COBL: variants seen among roughly 807,000 people sequenced by gnomAD.
COBL encodes the protein cordon-bleu WH2 repeat protein, also known as protein cordon-bleu.
A neutral mutation model predicts 98.8 loss-of-function variants in COBL; 51 were observed. The ratio of observed to expected loss-of-function variants is 0.52; its 90% CI spans 0.41 to 0.65. The LOEUF (loss-of-function observed/expected upper bound fraction) is 0.65. Ranked by LOEUF, COBL falls within the 30% of genes least tolerant of loss-of-function variation. The pLI, the probability that COBL is intolerant of heterozygous loss-of-function variation, is 0.00. For missense variants in COBL, 1,617 were observed against 1,617.5 expected (o/e 1.00, Z 0.01); for synonymous variants, 634 against 651.7 (o/e 0.97, Z 0.41).
At chr7:51,316,570 C>T (rs1584485001) in intron 1 of COBL, 23 bp downstream of exon 1, 2 of 1,208,566 alleles carry the variant, frequency 1.7e-6, no homozygotes, top group Admixed American at 4.4e-5. Context: ...CTCTCCACCC[C>T]GCCCGACCGC....
At chr7:51,032,052 C>T (rs976221030) in intron 8 of COBL, 2 of 152,274 alleles carry the variant, frequency 1.3e-5, no homozygotes, top group East Asian at 1.9e-4. Context: ...CACAGTTTTT[C>T]AGGCAGGTAG....
At chr7:51,281,768 C>G (rs1355643435) in intron 1 of COBL, among the ~76,000 whole-genome samples, 1 of 151,952 alleles carries the variant, frequency 6.6e-6, no homozygotes, top group Non-Finnish European at 1.5e-5. Flanking sequence ...CAGGCCTGTT[C>G]TAGAATAATT....
chr7:51,135,639 G>C (rs1405417244), intron 6 of COBL, among the ~76,000 whole-genome samples: 3 of 152,200 alleles, frequency 2.0e-5, no homozygotes, highest in Admixed American at 2.0e-4. Context: ...TGAGCAAAAA[G>C]GGGCTTTGAA....
intron 6 of COBL, among the ~76,000 whole-genome samples, chr7:51,088,105 G>A (rs1157175266): frequency 6.6e-6 from 1 of 151,998 alleles, no homozygotes; most frequent in East Asian, 1.9e-4. Context: ...CTTCCTGCTG[G>A]GAAGTTTCAT....
At position 51,119,743 on chromosome 7, in the gene COBL, A is replaced by G. The variant is rs138413788; in HGVS notation, c.957+16415T>C. Among the ~76,000 whole-genome samples the G allele has an allele frequency of 2.7e-3, 413 of 152,344 alleles. 3 individuals carry two copies. Among genetic ancestry groups the G allele is most frequent in the African/African-American group, 9.4e-3 (391 of 41,580 alleles). ...CAAAACCATTCACTTAAAAATATTCATCAATATAGGACTTAAAATATTTGA... is the reference window on the plus strand; with the variant it reads ...CAAAACCATTCACTTAAAAATATTCGTCAATATAGGACTTAAAATATTTGA... On this transcript the variant is annotated intron_variant, in intron 6 of 12. Transcript: ENST00000265136.
At chr7:51,099,637 G>A (rs1795637599) in intron 6 of COBL, among the ~76,000 whole-genome samples, 1 of 152,098 alleles carries the variant, frequency 6.6e-6, no homozygotes, top group African/African-American at 2.4e-5. Flanking sequence ...TTTCAGTTAT[G>A]CAATATGAAA....
At chr7:51,110,390 TTAATA>T (rs889440064) in intron 6 of COBL, among the ~76,000 whole-genome samples, 8 of 152,204 alleles carry the variant, frequency 5.3e-5, no homozygotes, top group African/African-American at 1.9e-4. Context: ...TTTATTTCAC[TTAATA>T]TAATGGCCTC....
At chr7:51,266,988 A>G (rs1020738032) in intron 1 of COBL, among the ~76,000 whole-genome samples, 2 of 152,274 alleles carry the variant, frequency 1.3e-5, no homozygotes, top group South Asian at 4.2e-4. Flanking sequence ...ATAACATTGT[A>G]TCATGGTCAG....
chr7:51,203,369 G>A (rs1791337915), intron 2 of COBL, among the ~76,000 whole-genome samples: 1 of 127,944 alleles, frequency 7.8e-6, no homozygotes, highest in African/African-American at 3.5e-5. Context: ...GGCTGAGGCA[G>A]GAGAATGGCG....
At chr7:51,081,088 G>A (rs1490959166) in intron 7 of COBL, among the ~76,000 whole-genome samples, 4 of 150,972 alleles carry the variant, frequency 2.6e-5, no homozygotes, top group Non-Finnish European at 4.4e-5. Flanking sequence ...CCAGGAGCGC[G>A]GGGCAGGAGC....
At chr7:51,103,851 C>G (rs1796023676) in intron 6 of COBL, among the ~76,000 whole-genome samples, 1 of 152,240 alleles carries the variant, frequency 6.6e-6, no homozygotes, top group African/African-American at 2.4e-5. Flanking sequence ...CCATGCAGAG[C>G]TGGAATATCT....
chr7:51,048,130 C>A (rs2128894045), intron 7 of COBL, among the ~76,000 whole-genome samples: 1 of 152,282 alleles, frequency 6.6e-6, no homozygotes, highest in South Asian at 2.1e-4. Context: ...CACACCACTG[C>A]ACTCCAGCCT....
chr7:51,247,056 G>A (rs190050577), intron 1 of COBL, among the ~76,000 whole-genome samples: 6 of 152,270 alleles, frequency 3.9e-5, no homozygotes, highest in African/African-American at 4.8e-5. Context: ...CAAAACCAGC[G>A]GATACCTGTG....
chr7:51,189,855 A>ATAT (rs1417196578), intron 4 of COBL, among the ~76,000 whole-genome samples: 1 of 152,214 alleles, frequency 6.6e-6, no homozygotes, highest in African/African-American at 2.4e-5. Flanking sequence ...AAGGAATATA[A>ATAT]CATTTCCTTT....
intron 5 of COBL, among the ~76,000 whole-genome samples, chr7:51,137,258 T>C (rs984496683): frequency 1.3e-5 from 2 of 152,188 alleles, no homozygotes; most frequent in Non-Finnish European, 2.9e-5. Flanking sequence ...TTTGATTCCT[T>C]CTTTTGACCT....
intron 7 of COBL, among the ~76,000 whole-genome samples, chr7:51,049,457 A>G (rs566013187): frequency 6.6e-6 from 1 of 152,118 alleles, no homozygotes; most frequent in Non-Finnish European, 1.5e-5. Flanking sequence ...ATGTGGAGGT[A>G]TAACATTTGG....
At chr7:51,069,587 A>C (rs1486442973) in intron 7 of COBL, among the ~76,000 whole-genome samples, 3 of 152,264 alleles carry the variant, frequency 2.0e-5, no homozygotes, top group Admixed American at 1.3e-4. Context: ...CCAGAATTTC[A>C]AGCCAAATCT....
chr7:51,197,924 G>T (rs1790746425), intron 2 of COBL, among the ~76,000 whole-genome samples: 1 of 152,210 alleles, frequency 6.6e-6, no homozygotes, highest in East Asian at 1.9e-4. Flanking sequence ...TGTAAGACAG[G>T]TTTCTTGAAG....
chr7:51,273,251 C>T (rs912812352), intron 1 of COBL, among the ~76,000 whole-genome samples: 5 of 151,116 alleles, frequency 3.3e-5, no homozygotes, highest in Admixed American at 1.3e-4. Flanking sequence ...ATCGCTTGAA[C>T]CTGGAGGCAG....
Sources: gnomAD v4.1 joint callset for allele counts (sites outside exome capture counted in the v4.1 genomes callset) on GRCh38, gnomAD v4.1.1 for gene constraint, MANE v1.5 for transcripts, NCBI Gene and HGNC (gene_info 2026-07-23, HGNC 2026-07-21) for gene names.